The following ITGAV variants were observed in gnomAD, a reference collection of about 807,000 sequenced individuals.
The protein encoded by ITGAV is integrin subunit alpha V, also known as integrin alpha-V.
ITGAV carries 76 observed loss-of-function variants against 143.8 expected under a neutral mutation model. That is an observed-to-expected ratio of 0.53 (90% CI 0.44 to 0.64). The LOEUF (loss-of-function observed/expected upper bound fraction) is 0.64, where lower values mean the gene tolerates loss of function less well. Ranked by LOEUF, ITGAV falls within the 30% of genes least tolerant of loss-of-function variation. The pLI is 0.00. For synonymous variants in ITGAV, 453 were observed against 446.7 expected (o/e 1.01, Z -0.18); for missense variants, 1,193 against 1,274.7 (o/e 0.94, Z 0.98).
chr2:186,625,601 A>G lies in ITGAV; in HGVS notation c.523+14A>G. Reference sequence around the variant, plus strand: ...CATGTAGATCACGTATGTATAGGATATTGTACCAGCTTTTAAGAAGAGGGG... The same window carrying G: ...CATGTAGATCACGTATGTATAGGATGTTGTACCAGCTTTTAAGAAGAGGGG... On this transcript the variant is annotated intron_variant, in intron 4 of 29. Transcript: ENST00000261023. 2 of 1,550,794 alleles carry G rather than the reference A, an allele frequency of 1.3e-6. No individual in the cohort carries two copies. Among genetic ancestry groups the G allele is most frequent in the Non-Finnish European group, 1.8e-6 (2 of 1,126,312 alleles).
intron 12 of ITGAV, chr2:186,641,793 A>G (rs1688111412): frequency 3.6e-6 from 2 of 558,476 alleles, no homozygotes; most frequent in Non-Finnish European, 3.2e-6. Flanking sequence ...ATGGACTCTC[A>G]TGAGTTATTA....
intron 4 of ITGAV, among the ~76,000 whole-genome samples, chr2:186,629,575 A>T (rs1201796718): frequency 6.6e-6 from 1 of 151,956 alleles, no homozygotes; most frequent in African/African-American, 2.4e-5. Context: ...TTTCTTTCAA[A>T]AAAAAAAAAC....
chr2:186,619,948 C>T (rs1482146764), intron 2 of ITGAV, among the ~76,000 whole-genome samples: 2 of 151,772 alleles, frequency 1.3e-5, no homozygotes, highest in African/African-American at 2.4e-5. Flanking sequence ...GCTGAGATCG[C>T]GCCACTGTAC....
intron 1 of ITGAV, among the ~76,000 whole-genome samples, chr2:186,600,706 CCCAGCACTTTGGGAGG>C (rs1336028847): frequency 2.0e-5 from 3 of 152,232 alleles, no homozygotes; most frequent in Non-Finnish European, 4.4e-5. Context: ...CGCCTGTAAT[CCCAGCACTTTGGGAGG>C]CCAAGGCAGG....
chr2:186,637,426 A>G (rs1306082340), intron 8 of ITGAV, among the ~76,000 whole-genome samples: 1 of 146,414 alleles, frequency 6.8e-6, no homozygotes, highest in South Asian at 2.2e-4. Context: ...GGCTGCTGTG[A>G]GTTGTGATTG....
At chr2:186,647,239 T>C (rs563729815) in intron 13 of ITGAV, among the ~76,000 whole-genome samples, 2 of 25,032 alleles carry the variant, frequency 8.0e-5, no homozygotes, top group African/African-American at 2.4e-4. Context: ...ATAGTTGTGA[T>C]TTTTTTTTTT....
intron 20 of ITGAV, 132 bp downstream of exon 20, chr2:186,664,773 C>T: frequency 5.6e-6 from 6 of 1,066,020 alleles, no homozygotes; most frequent in Non-Finnish European, 6.9e-6. Flanking sequence ...CAATGGAGTG[C>T]CTATCTTACA....
intron 10 of ITGAV, among the ~76,000 whole-genome samples, chr2:186,638,834 C>G (rs1688024048): frequency 6.7e-6 from 1 of 149,368 alleles, no homozygotes; most frequent in Admixed American, 6.7e-5. Context: ...ATAAGATGGG[C>G]TTTAAATATT....
chr2:186,649,656 T>C (rs919303317), intron 13 of ITGAV, among the ~76,000 whole-genome samples, 184 bp from the exon 14 acceptor site: 13 of 152,238 alleles, frequency 8.5e-5, no homozygotes, highest in African/African-American at 1.2e-4. Flanking sequence ...ATAAGCATTT[T>C]CCACTGGTGG....
At chr2:186,627,907 C>A (rs1257283811) in intron 4 of ITGAV, among the ~76,000 whole-genome samples, 2 of 152,108 alleles carry the variant, frequency 1.3e-5, no homozygotes, top group Non-Finnish European at 2.9e-5. Context: ...CTTTCAGTAA[C>A]CCTTGATTAT....
intron 2 of ITGAV, among the ~76,000 whole-genome samples, chr2:186,605,610 G>A (rs1687036850): frequency 6.6e-6 from 1 of 151,824 alleles, no homozygotes; most frequent in Admixed American, 6.6e-5. Flanking sequence ...TCATTGCTGA[G>A]ACTCCAGGGC....
chr2:186,649,854 G>C lies in ITGAV; in HGVS notation c.1366G>C (p.Ala456Pro). Residue 456 changes from alanine (A) to proline (P), a missense_variant, in exon 14 of 30, where the codon GCT becomes CCT. Coordinates refer to ENST00000261023, the MANE Select transcript of ITGAV (RefSeq NM_002210.5). ...KNGYPDLIVG[A>P]FGVDRAILYR... Reference sequence around the variant, plus strand: ...TCTTTCTTAAGACTTAATTGTAGGAGCTTTTGGTGTAGATCGAGCTATCTT... The same window carrying C: ...TCTTTCTTAAGACTTAATTGTAGGACCTTTTGGTGTAGATCGAGCTATCTT... 6.3e-7 allele frequency: 1 copy of C among 1,594,804 alleles called. No individual in the cohort carries two copies. Among genetic ancestry groups the C allele is most frequent in the East Asian group, 2.3e-5 (1 of 44,320 alleles).
At position 186,665,154 on chromosome 2, in the gene ITGAV, A is replaced by G. The variant is rs1249069074; in HGVS notation, c.2102A>G (p.Lys701Arg). 1 of 1,610,764 alleles carries G rather than the reference A, an allele frequency of 6.2e-7. No individual in the cohort carries two copies. The highest frequency in any genetic ancestry group is 1.1e-5 in the South Asian group (1 of 91,014). ...EALARLSCAF[K>R]TENQTRQVVC... ...TTAGCAAGACTTTCCTGTGCATTTA[A>G]GACAGAAAACCAAACTCGCCAGGTG... The change falls in exon 21 of 30, where the codon AAG becomes AGG. Residue 701 changes from lysine to arginine, a missense_variant. Coordinates refer to ENST00000261023, the MANE Select transcript of ITGAV (RefSeq NM_002210.5).
chr2:186,630,958 T>G lies in ITGAV; in HGVS notation c.585+100T>G, dbSNP rs1687800738. Reference sequence around the variant, plus strand: ...CAATACCTCAACTCCTTTACAGCTGTTAGCTCTTTAATGAAAACAGTTAAT... The same window carrying G: ...CAATACCTCAACTCCTTTACAGCTGGTAGCTCTTTAATGAAAACAGTTAAT... On this transcript the variant is annotated intron_variant, in intron 5 of 29. Transcript: ENST00000261023. 1.7e-5 allele frequency: 10 copies of G among 582,548 alleles called. No homozygotes were observed. The South Asian group carries it at 2.4e-4, about 14-fold the overall frequency. The allele number at this position is 582,548 out of a possible 1,614,324, so 36.1% of individuals were successfully genotyped here. A position where few individuals can be genotyped will look rare whatever the true frequency, so the allele number is the denominator to read the frequency against.
chr2:186,590,390 C>T lies in ITGAV; in HGVS notation c.52C>T (p.Leu18Phe), dbSNP rs774327029. ...GCGCCTCGGTCCCCGCGGCCTCCCGCTTCTTCTCTCGGGACTCCTGCTACC... is the reference window on the plus strand; with the variant it reads ...GCGCCTCGGTCCCCGCGGCCTCCCGTTTCTTCTCTCGGGACTCCTGCTACC... ...RLRLGPRGLPLLLSGLLLPLC... is the reference protein window; with the variant it reads ...RLRLGPRGLPFLLSGLLLPLC... Residue 18 changes from leucine to phenylalanine, a missense_variant, in exon 1 of 30, where the codon CTT (leucine) becomes TTT (phenylalanine). Coordinates refer to ENST00000261023, the MANE Select transcript of ITGAV (RefSeq NM_002210.5). 6.2e-7 allele frequency: 1 copy of T among 1,602,158 alleles called. No homozygotes were observed. Among genetic ancestry groups the T allele is most frequent in the South Asian group, 1.1e-5 (1 of 90,126 alleles).
chr2:186,621,918 T>C (rs61763628), intron 2 of ITGAV, among the ~76,000 whole-genome samples: 1 of 152,216 alleles, frequency 6.6e-6, no homozygotes, highest in Non-Finnish European at 1.5e-5. Flanking sequence ...GGCACACGTC[T>C]CAGTCTTGTC....
intron 10 of ITGAV, among the ~76,000 whole-genome samples, chr2:186,639,518 C>G (rs995720868): frequency 1.3e-5 from 2 of 152,262 alleles, no homozygotes; most frequent in Admixed American, 6.5e-5. Context: ...CTTCTCCTGT[C>G]TGGTGACCAT....
At chr2:186,606,135 C>T (rs1249907693) in intron 2 of ITGAV, among the ~76,000 whole-genome samples, 2 of 152,184 alleles carry the variant, frequency 1.3e-5, no homozygotes, top group Non-Finnish European at 2.9e-5. Context: ...ATGCTTATAG[C>T]TTATCGCATC....
intron 13 of ITGAV, among the ~76,000 whole-genome samples, chr2:186,648,818 A>G (rs1688335466): frequency 6.6e-6 from 1 of 151,940 alleles, no homozygotes; most frequent in Non-Finnish European, 1.5e-5. Context: ...AACTATACAT[A>G]AATAAAAATG....
Sources: gnomAD v4.1 joint callset for allele counts (sites outside exome capture counted in the v4.1 genomes callset) on GRCh38, gnomAD v4.1.1 for gene constraint, MANE v1.5 for transcripts, NCBI Gene and HGNC (gene_info 2026-07-23, HGNC 2026-07-21) for gene names.